Variants in CADPS observed in about 807,000 individuals in gnomAD.
CADPS encodes calcium dependent secretion activator.
In CADPS, 57 loss-of-function variants were observed where a neutral mutation model predicts 167.3. The observed-to-expected ratio is 0.34, with a 90% CI of 0.28 to 0.42. The LOEUF is 0.42. CADPS is among the 20% of genes least tolerant of loss of function. The pLI is 1.00. For missense variants in CADPS, 1,414 were observed against 1,738.1 expected, an observed-to-expected ratio of 0.81 and a Z score of 3.32; for synonymous variants, 676 against 635.3, an observed-to-expected ratio of 1.06 and a Z score of -0.96.
intron 22 of CADPS, among the ~76,000 whole-genome samples, chr3:62,479,314 C>T (rs1481862737): frequency 6.6e-6 from 1 of 152,208 alleles, no homozygotes; most frequent in Non-Finnish European, 1.5e-5. Context: ...TTCTGGCTGG[C>T]TGTCTTTTTT....
intron 1 of CADPS, among the ~76,000 whole-genome samples, chr3:62,856,602 A>G (rs984752010): frequency 1.3e-5 from 2 of 152,114 alleles, no homozygotes; most frequent in Non-Finnish European, 2.9e-5. Context: ...TAAACCTACA[A>G]TGATTGAATC....
At chr3:62,591,497 A>C (rs752110477) in intron 7 of CADPS, among the ~76,000 whole-genome samples, 4 of 152,170 alleles carry the variant, frequency 2.6e-5, no homozygotes, top group Non-Finnish European at 5.9e-5. Flanking sequence ...AATTTGGTTT[A>C]TATGAGGGAT....
intron 3 of CADPS, among the ~76,000 whole-genome samples, chr3:62,716,662 A>G (rs1435171733): frequency 6.6e-6 from 1 of 152,198 alleles, no homozygotes; most frequent in Non-Finnish European, 1.5e-5. Context: ...GAGCAATGAC[A>G]TGATCTTTGT....
chr3:62,683,960 C>G (rs973748287), intron 3 of CADPS, among the ~76,000 whole-genome samples: 1 of 151,984 alleles, frequency 6.6e-6, no homozygotes, highest in Non-Finnish European at 1.5e-5. Context: ...GATAGCAAAC[C>G]TGATCACCTG....
chr3:62,481,593 T>C, intron 22 of CADPS, 130 bp downstream of exon 22: 1 of 828,580 alleles, frequency 1.2e-6, no homozygotes, highest in Non-Finnish European at 1.8e-6. Flanking sequence ...ATTGTCTCTG[T>C]ATGATCAGCA....
chr3:62,789,463 C>CT (rs2092747566), intron 1 of CADPS, among the ~76,000 whole-genome samples: 1 of 152,188 alleles, frequency 6.6e-6, no homozygotes, highest in Non-Finnish European at 1.5e-5. Context: ...AATGGCAGGC[C>CT]TGTTAGCATT....
intron 3 of CADPS, among the ~76,000 whole-genome samples, chr3:62,666,591 A>T (rs1277751184): frequency 6.6e-6 from 1 of 152,072 alleles, no homozygotes; most frequent in East Asian, 1.9e-4. Context: ...TAGACAAATA[A>T]TCTTCCTACT....
chr3:62,825,633 G>C (rs774886815), intron 1 of CADPS, among the ~76,000 whole-genome samples: 1 of 152,176 alleles, frequency 6.6e-6, no homozygotes, highest in Non-Finnish European at 1.5e-5. Context: ...CACATAGATG[G>C]TAAATAATGG....
intron 3 of CADPS, among the ~76,000 whole-genome samples, chr3:62,716,778 T>G (rs569926653): frequency 2.0e-5 from 3 of 152,236 alleles, no homozygotes; most frequent in Non-Finnish European, 4.4e-5. Context: ...TTGACTGATT[T>G]TTTTTGGTTG....
At chr3:62,444,488 T>C (rs1170642207) in intron 27 of CADPS, among the ~76,000 whole-genome samples, 2 of 152,224 alleles carry the variant, frequency 1.3e-5, no homozygotes, top group African/African-American at 4.8e-5. Context: ...TTTGAGTAGT[T>C]AGCTCCCCAC....
chr3:62,686,835 C>A (rs2078136355), intron 3 of CADPS, among the ~76,000 whole-genome samples: 1 of 152,062 alleles, frequency 6.6e-6, no homozygotes, highest in Admixed American at 6.6e-5. Context: ...GCTTACAGAG[C>A]CTTCCCAGAA....
In CADPS at chr3:62,516,222, G is replaced by A. The variant is rs145240213; in HGVS notation, c.2458-40C>T. 806 of 1,610,428 alleles carry A rather than the reference G, an allele frequency of 5.0e-4. 3 individuals carry two copies. In the African/African-American group the frequency reaches 9.6e-3, roughly 19 times the overall value. ...AAGAGGGATTATTAAGAAGGTTCAA[G>A]CAAATGTGTCACTCATCCATACTTC... On this transcript the variant is annotated intron_variant, in intron 15 of 29. Coordinates refer to ENST00000383710, the MANE Select transcript of CADPS (RefSeq NM_003716.4).
Position 62,499,222 on chromosome 3 carries a change from T to C in CADPS, c.2646A>G (p.Thr882=), listed in dbSNP as rs759239352. 1.2e-6 allele frequency: 2 copies of C among 1,613,820 alleles called. No individual in the cohort carries two copies. Among genetic ancestry groups the C allele is most frequent in the Admixed American group, 1.7e-5 (1 of 60,006 alleles). The change falls in exon 18 of 30, where the codon ACA becomes ACG. Residue 882 remains threonine, a synonymous_variant. Coordinates refer to ENST00000383710, the MANE Select transcript of CADPS (RefSeq NM_003716.4). ...LITPAKKLED[T]IRLAELVIEV... ...CAATGACTAGTTCAGCAAGACGTAT[T>C]GTATCTTCAAGCTTTTTGGCAGGAG...
chr3:62,843,163 C>G (rs1174470853), intron 1 of CADPS, among the ~76,000 whole-genome samples: 1 of 152,062 alleles, frequency 6.6e-6, no homozygotes, highest in Non-Finnish European at 1.5e-5. Context: ...GAATGATCTT[C>G]CCTATGACAG....
chr3:62,770,421 T>TTTTG (rs201649091), intron 1 of CADPS, among the ~76,000 whole-genome samples: 3 of 152,108 alleles, frequency 2.0e-5, no homozygotes, highest in Admixed American at 1.3e-4. Flanking sequence ...GGAATTCCTT[T>TTTTG]TTTGTTTGTT....
intron 10 of CADPS, among the ~76,000 whole-genome samples, chr3:62,557,109 G>T (rs1351556853): frequency 6.6e-6 from 1 of 151,484 alleles, no homozygotes; most frequent in African/African-American, 2.4e-5. Context: ...GCATTGTATG[G>T]TGGAGTCCAT....
chr3:62,683,817 T>C (rs1009734289), intron 3 of CADPS, among the ~76,000 whole-genome samples: 9 of 152,112 alleles, frequency 5.9e-5, no homozygotes, highest in South Asian at 2.1e-4. Context: ...GAATGTCCCT[T>C]GATTTGGGTT....
chr3:62,739,334 C>A (rs772471051), intron 3 of CADPS, among the ~76,000 whole-genome samples: 1 of 152,168 alleles, frequency 6.6e-6, no homozygotes, highest in Non-Finnish European at 1.5e-5. Context: ...ACAAACACAA[C>A]AAACTCAATA....
chr3:62,771,208 G>A (rs921831511), intron 1 of CADPS, among the ~76,000 whole-genome samples: 4 of 152,130 alleles, frequency 2.6e-5, no homozygotes, highest in Non-Finnish European at 5.9e-5. Flanking sequence ...AGCTCTCAAC[G>A]AATGTTTGCT....
Sources: allele counts gnomAD v4.1 joint callset (sites outside exome capture counted in the v4.1 genomes callset), GRCh38; gene constraint gnomAD v4.1.1; transcripts MANE v1.5; gene names NCBI Gene and HGNC (gene_info 2026-07-23, HGNC 2026-07-21).